STARD13: variants seen among roughly 807,000 people sequenced by gnomAD.
STARD13 encodes stAR-related lipid transfer protein 13.
In STARD13, 62 loss-of-function variants were observed where a neutral mutation model predicts 106.4. That is an observed-to-expected ratio of 0.58 (90% CI 0.48 to 0.72). STARD13 has a LOEUF of 0.72. Ranked by LOEUF, STARD13 falls within the 30% of genes least tolerant of loss-of-function variation. STARD13 has a pLI of 0.00. For synonymous variants in STARD13, 565 were observed against 553.0 expected (o/e 1.02, Z -0.31); for missense variants, 1,387 against 1,424.0 (o/e 0.97, Z 0.42).
At chr13:33,631,751 C>A in the STARD13 span, among the ~76,000 whole-genome samples, 2 of 142,910 alleles carry the variant, frequency 1.4e-5, no homozygotes, top group African/African-American at 2.7e-5. Flanking sequence ...TACTTTATTT[C>A]TTTAAATATC....
intron 1 of STARD13, among the ~76,000 whole-genome samples, chr13:33,210,218 T>C (rs1887644952): frequency 6.6e-6 from 1 of 152,200 alleles, no homozygotes; most frequent in Non-Finnish European, 1.5e-5. Flanking sequence ...AAGCAGAACT[T>C]ACTGCACATC....
chr13:33,321,045 T>C (rs1310533367), intron 1 of STARD13, among the ~76,000 whole-genome samples: 2 of 152,242 alleles, frequency 1.3e-5, no homozygotes, highest in Non-Finnish European at 2.9e-5. Flanking sequence ...CAATATTGTA[T>C]GTTTAAAATA....
chr13:33,319,872 T>C (rs761760367), intron 1 of STARD13, among the ~76,000 whole-genome samples: 6 of 152,232 alleles, frequency 3.9e-5, no homozygotes, highest in Non-Finnish European at 5.9e-5. Flanking sequence ...TTGCTGTATT[T>C]TGGATATAGA....
chr13:33,530,057 T>C, the STARD13 span, among the ~76,000 whole-genome samples: 1 of 151,646 alleles, frequency 6.6e-6, no homozygotes, highest in Non-Finnish European at 1.5e-5. Flanking sequence ...AAAACATGCA[T>C]AATAATTGCT....
the STARD13 span, among the ~76,000 whole-genome samples, chr13:33,378,587 G>A: frequency 6.6e-6 from 1 of 152,042 alleles, no homozygotes; most frequent in Admixed American, 6.5e-5. Flanking sequence ...TCAGGAGTTC[G>A]AGACCAGCCT....
chr13:33,144,204 G>A (rs556439958), intron 3 of STARD13, among the ~76,000 whole-genome samples: 1 of 152,248 alleles, frequency 6.6e-6, no homozygotes, highest in African/African-American at 2.4e-5. Flanking sequence ...GTCACATTCT[G>A]CATTCTCTTC....
the STARD13 span, among the ~76,000 whole-genome samples, chr13:33,360,063 C>T: frequency 0.95 from 143,956 of 152,282 alleles, 68,591 homozygotes; most frequent in East Asian, 1. Flanking sequence ...GTTCTGCCAA[C>T]GTCCTGCAAC....
intron 1 of STARD13, among the ~76,000 whole-genome samples, chr13:33,301,027 C>A (rs1892690213): frequency 6.6e-6 from 1 of 152,202 alleles, no homozygotes; most frequent in Non-Finnish European, 1.5e-5. Flanking sequence ...CTGTACATCT[C>A]CATTGTAGTC....
the STARD13 span, among the ~76,000 whole-genome samples, chr13:33,476,850 T>C: frequency 2.0e-5 from 3 of 152,256 alleles, no homozygotes; most frequent in African/African-American, 7.2e-5. Context: ...AAAAAGACAC[T>C]GACTCCTGCT....
At chr13:33,307,277 A>G (rs1241146176) in intron 1 of STARD13, among the ~76,000 whole-genome samples, 1 of 152,254 alleles carries the variant, frequency 6.6e-6, no homozygotes, top group Non-Finnish European at 1.5e-5. Context: ...AAGCAGAACT[A>G]CCATTTGACC....
the STARD13 span, among the ~76,000 whole-genome samples, chr13:33,671,199 C>CA: frequency 0.01 from 1,593 of 152,288 alleles, 24 homozygotes; most frequent in African/African-American, 0.035. Context: ...ATAATTGAAA[C>CA]AATCTAACTG....
At chr13:33,128,819 A>T (rs1877652728) in intron 5 of STARD13, 110 bp downstream of exon 5, 2 of 1,125,954 alleles carry the variant, frequency 1.8e-6, no homozygotes, top group African/African-American at 3.1e-5. Flanking sequence ...ATCACTTAGA[A>T]CAGAGTCAGG....
chr13:33,444,246 G>A, the STARD13 span, among the ~76,000 whole-genome samples: 1 of 152,128 alleles, frequency 6.6e-6, no homozygotes, highest in Non-Finnish European at 1.5e-5. Context: ...TAGGTGGCTT[G>A]GAGCAGGTAA....
At chr13:33,593,312 G>A in the STARD13 span, among the ~76,000 whole-genome samples, 3 of 152,220 alleles carry the variant, frequency 2.0e-5, 1 homozygote, top group South Asian at 6.2e-4. Context: ...AGCCTCCGGA[G>A]TAGCTGGGAT....
At chr13:33,305,606 C>T (rs904745983) in intron 1 of STARD13, among the ~76,000 whole-genome samples, 2 of 152,168 alleles carry the variant, frequency 1.3e-5, no homozygotes, top group Non-Finnish European at 2.9e-5. Context: ...AGTCTTAAGA[C>T]ATATTAAAGC....
the STARD13 span, among the ~76,000 whole-genome samples, chr13:33,618,930 G>A: frequency 2.0e-5 from 3 of 151,852 alleles, no homozygotes; most frequent in African/African-American, 4.8e-5. Flanking sequence ...ATAAGAATCT[G>A]TGTGTGTGTG....
chr13:33,481,113 G>GTTTCATTT, the STARD13 span, among the ~76,000 whole-genome samples: 1 of 151,272 alleles, frequency 6.6e-6, no homozygotes, highest in African/African-American at 2.4e-5. Flanking sequence ...GGTGGATAAG[G>GTTTCATTT]TCATTATTTT....
At chr13:33,560,111 C>T in the STARD13 span, among the ~76,000 whole-genome samples, 3 of 151,528 alleles carry the variant, frequency 2.0e-5, no homozygotes, top group African/African-American at 7.3e-5. Context: ...AAATAAAAAA[C>T]TGTTGCTGAC....
chr13:33,491,643 G>C, the STARD13 span, among the ~76,000 whole-genome samples: 1 of 152,036 alleles, frequency 6.6e-6, no homozygotes, highest in African/African-American at 2.4e-5. Flanking sequence ...ATAAAAAAAT[G>C]GTTTATAAAC....
Sources: gnomAD v4.1 joint callset for allele counts (sites outside exome capture counted in the v4.1 genomes callset) on GRCh38, gnomAD v4.1.1 for gene constraint, MANE v1.5 for transcripts, NCBI Gene and HGNC (gene_info 2026-07-23, HGNC 2026-07-21) for gene names.